The following NPSR1 variants were observed in gnomAD, a reference collection of about 807,000 sequenced individuals.
The protein encoded by NPSR1 is neuropeptide S receptor 1.
A neutral mutation model predicts 46.9 loss-of-function variants in NPSR1; 48 were observed. That is an observed-to-expected ratio of 1.02 (90% CI 0.81 to 1.30). The LOEUF (loss-of-function observed/expected upper bound fraction) is 1.30, where lower values mean the gene tolerates loss of function less well. NPSR1 is among the 50% of genes most tolerant of loss of function. The pLI is 0.00. For synonymous variants in NPSR1, 176 were observed against 168.1 expected (o/e 1.05, Z -0.36); for missense variants, 450 against 449.5 (o/e 1.00, Z -0.01).
chr7:34,834,507 C>G (rs773382819), intron 6 of NPSR1, 47 bp downstream of exon 6: 1 of 1,346,520 alleles, frequency 7.4e-7, no homozygotes, highest in South Asian at 1.2e-5. Flanking sequence ...ATTTGCTTCT[C>G]CAGAGGTTTT....
At chr7:34,743,525 C>T (rs1785055526) in intron 2 of NPSR1, among the ~76,000 whole-genome samples, 1 of 151,898 alleles carries the variant, frequency 6.6e-6, no homozygotes, top group East Asian at 1.9e-4. Flanking sequence ...ACTGCAACCT[C>T]CGCCTCCTGG....
chr7:34,770,296 A>T (rs187553485), intron 2 of NPSR1, among the ~76,000 whole-genome samples: 1 of 152,296 alleles, frequency 6.6e-6, no homozygotes, highest in Non-Finnish European at 1.5e-5. Context: ...TATTTGATCA[A>T]TCACAACTCA....
chr7:34,807,699 T>C (rs1408129327), intron 3 of NPSR1, among the ~76,000 whole-genome samples: 1 of 152,226 alleles, frequency 6.6e-6, no homozygotes, highest in African/African-American at 2.4e-5. Context: ...AAATAAGTTA[T>C]TTTCTTAATG....
intron 1 of NPSR1, among the ~76,000 whole-genome samples, chr7:34,680,478 T>C (rs950156196): frequency 6.6e-6 from 1 of 152,160 alleles, no homozygotes; most frequent in African/African-American, 2.4e-5. Context: ...AAAGAGAGCA[T>C]CATGGCATAT....
intron 2 of NPSR1, among the ~76,000 whole-genome samples, chr7:34,746,312 T>C (rs1297294665): frequency 1.3e-5 from 2 of 152,220 alleles, no homozygotes; most frequent in Non-Finnish European, 2.9e-5. Flanking sequence ...AATAGTGCAA[T>C]AGAGTAAGAT....
chr7:34,667,554 C>T (rs756136924), intron 1 of NPSR1, among the ~76,000 whole-genome samples: 9 of 152,252 alleles, frequency 5.9e-5, no homozygotes, highest in Non-Finnish European at 1.2e-4. Flanking sequence ...CCTTTCCAGA[C>T]ACTCCATCCT....
chr7:34,778,382 T>C, intron 2 of NPSR1, 80 bp from the exon 3 acceptor site: 1 of 791,380 alleles, frequency 1.3e-6, no homozygotes, highest in Non-Finnish European at 2.0e-6. Context: ...GGATTTCATT[T>C]CTATTGTGGC....
intron 3 of NPSR1, among the ~76,000 whole-genome samples, chr7:34,792,561 AT>A: frequency 9.4e-6 from 1 of 106,246 alleles, no homozygotes; most frequent in South Asian, 2.8e-4. Context: ...ATATATGTAC[AT>A]ATATATATAT....
intron 2 of NPSR1, among the ~76,000 whole-genome samples, chr7:34,762,501 T>G (rs1024637839): frequency 6.6e-6 from 1 of 152,232 alleles, no homozygotes; most frequent in Non-Finnish European, 1.5e-5. Context: ...ACACAAGTTC[T>G]TCAAGACTTG....
intron 2 of NPSR1, among the ~76,000 whole-genome samples, chr7:34,740,699 G>A (rs907174873): frequency 6.6e-6 from 1 of 152,144 alleles, no homozygotes; most frequent in Non-Finnish European, 1.5e-5. Context: ...TGTGTTTGGG[G>A]GTGGACAATC....
At chr7:34,682,244 C>T (rs568772023) in intron 1 of NPSR1, among the ~76,000 whole-genome samples, 26 of 152,308 alleles carry the variant, frequency 1.7e-4, no homozygotes, top group African/African-American at 5.3e-4. Context: ...ACCTGTGTCA[C>T]AGCACTGCCC....
chr7:34,812,004 C>A, intron 4 of NPSR1, 141 bp downstream of exon 4: 1 of 618,864 alleles, frequency 1.6e-6, no homozygotes, highest in Non-Finnish European at 2.8e-6. Flanking sequence ...TTCTCCTCTT[C>A]CACCTCTTTC....
chr7:34,839,611 C>T (rs1161541425), intron 6 of NPSR1, among the ~76,000 whole-genome samples: 2 of 152,146 alleles, frequency 1.3e-5, no homozygotes, highest in Non-Finnish European at 2.9e-5. Context: ...GCTGTGTAAA[C>T]CCAAAATATC....
rs948986261 is a variant in NPSR1, at chr7:34,674,979, C to A, written c.148-9573C>A. Among the ~76,000 whole-genome samples the A allele has an allele frequency of 2.0e-5, 3 of 152,278 alleles. No homozygotes were observed. In the East Asian group the frequency reaches 5.8e-4, roughly 29 times the overall value. On this transcript the variant is annotated intron_variant, in intron 1 of 8. Transcript: ENST00000360581. ...ATGAGGCAACTTTCACTATCTTAAA[C>A]CAAAATTGGGGCAGAAAACTACTAG...
At chr7:34,822,143 T>C (rs1234372157) in intron 4 of NPSR1, among the ~76,000 whole-genome samples, 1 of 152,122 alleles carries the variant, frequency 6.6e-6, no homozygotes, top group Non-Finnish European at 1.5e-5. Context: ...CACAAGTTTA[T>C]AGGGTGAGGG....
At position 34,848,521 on chromosome 7, in the gene NPSR1, A is replaced by T; in HGVS notation, c.883A>T (p.Ile295Phe). ...TTGGAGTCCATACTTCCTGTTTGAC[A>T]TTTTGGACAATTTCAACCTCCTTCC... Reference protein sequence around the residue: ...CCWSPYFLFDILDNFNLLPDT... With the variant: ...CCWSPYFLFDFLDNFNLLPDT... Residue 295 changes from isoleucine (I) to phenylalanine (F), a missense_variant, in exon 8 of 9, where the codon ATT becomes TTT. Ile to Phe is a conservative substitution (Grantham distance 21, BLOSUM62 0). Transcript: ENST00000360581. 1 of 1,614,132 alleles carries T rather than the reference A, an allele frequency of 6.2e-7. No individual in the cohort carries two copies. Among genetic ancestry groups the T allele is most frequent in the Non-Finnish European group, 8.5e-7 (1 of 1,180,032 alleles).
intron 2 of NPSR1, chr7:34,751,927 G>A: frequency 7.3e-7 from 1 of 1,363,306 alleles, no homozygotes; most frequent in Non-Finnish European, 1.0e-6. Flanking sequence ...AACAACTTGT[G>A]TTCCTGAGGC....
intron 8 of NPSR1, 65 bp from the exon 9 acceptor site, chr7:34,849,500 A>G: frequency 6.2e-7 from 1 of 1,605,216 alleles, no homozygotes; most frequent in East Asian, 2.2e-5. Flanking sequence ...GTCTCTTAAC[A>G]TGTCTACTTG....
chr7:34,849,273 G>A (rs1790854029), intron 8 of NPSR1: 5 of 1,281,280 alleles, frequency 3.9e-6, no homozygotes, highest in African/African-American at 1.5e-5. Flanking sequence ...TGTGACCTTG[G>A]GCAAGTTATT....
Sources: allele counts gnomAD v4.1 joint callset (sites outside exome capture counted in the v4.1 genomes callset), GRCh38; gene constraint gnomAD v4.1.1; transcripts MANE v1.5; gene names NCBI Gene and HGNC (gene_info 2026-07-23, HGNC 2026-07-21).